UBAP2L: variants seen among roughly 807,000 people sequenced by gnomAD.
UBAP2L encodes ubiquitin-associated protein 2-like.
Under a neutral mutation model 130.6 loss-of-function variants are expected in UBAP2L, and 12 were observed. The ratio of observed to expected loss-of-function variants is 0.09; its 90% confidence interval spans 0.06 to 0.15. The LOEUF is 0.15. Ranked by LOEUF, UBAP2L falls within the 10% of genes least tolerant of loss-of-function variation. The probability of loss-of-function intolerance (pLI) is 1.00; values close to 1 mark genes in which losing one functional copy is unlikely to be tolerated. For synonymous variants in UBAP2L, 503 were observed against 524.7 expected, an observed-to-expected ratio of 0.96 and a Z score of 0.57; for missense variants, 965 against 1,332.5, an observed-to-expected ratio of 0.72 and a Z score of 4.29.
Position 154,228,615 on chromosome 1 carries a change from T to C in UBAP2L, c.169T>C (p.Leu57=), listed in dbSNP as rs773072756. Residue 57 remains leucine, a splice_region_variant and synonymous_variant, in exon 4 of 27, where the codon TTG becomes CTG. Coordinates refer to ENST00000428931, the MANE Select transcript of UBAP2L (RefSeq NM_014847.4). ...DADFEEKVKQ[L]IDITGKNQDE... is the part of the protein sequence containing the mutation. ...ATGGTTGCTGTTTTTTCTCTTTCAGTTGATTGATATTACAGGCAAGAACCA... is the reference window on the plus strand; with the variant it reads ...ATGGTTGCTGTTTTTTCTCTTTCAGCTGATTGATATTACAGGCAAGAACCA... 7 of 1,612,114 alleles carry C rather than the reference T, an allele frequency of 4.3e-6. No homozygotes were observed. The Admixed American group carries it at 1.2e-4, about 27-fold the overall frequency.
intron 20 of UBAP2L, chr1:154,258,487 C>G (rs1256207153): frequency 6.6e-6 from 1 of 152,512 alleles, no homozygotes; most frequent in Non-Finnish European, 1.5e-5. Flanking sequence ...TAGAAGATAC[C>G]TGTTCCTGCC....
rs1677458590 is a variant in UBAP2L at position 154,251,038 on chromosome 1, C to T, written c.1214-3C>T. 2 of 1,601,550 alleles carry T rather than the reference C, an allele frequency of 1.2e-6. No individual in the cohort carries two copies. Among genetic ancestry groups the T allele is most frequent in the East Asian group, 4.5e-5 (2 of 44,640 alleles). Reference sequence around the variant, plus strand: ...GCTTCATATACTGGGTTTCCTCTTGCAGATTTGAAGAACCCAAGTGATTCA... The same window carrying T: ...GCTTCATATACTGGGTTTCCTCTTGTAGATTTGAAGAACCCAAGTGATTCA... On this transcript the variant is annotated splice_polypyrimidine_tract_variant and splice_region_variant and intron_variant, in intron 12 of 26. Transcript: ENST00000428931.
rs200080783 is a variant in UBAP2L, at chr1:154,243,309, G to A, written c.842+7G>A. The A allele has an allele frequency of 3.0e-4, 481 of 1,610,578 alleles. 9 individuals carry two copies. The South Asian group carries it at 4.3e-3, about 14-fold the overall frequency. ...CAATCACTGCTGGTCAGAGGCAAGT[G>A]TGCAGTAAAATTTAGTACCATTTCT... On this transcript the variant is annotated splice_region_variant and intron_variant, in intron 10 of 26. Transcript: ENST00000428931.
chr1:154,265,272 T>C (rs1370117280), intron 24 of UBAP2L, among the ~76,000 whole-genome samples: 2 of 152,184 alleles, frequency 1.3e-5, no homozygotes, highest in East Asian at 1.9e-4. Context: ...AGAGTTTGAA[T>C]TGTGGGTGAA....
At chr1:154,260,844 T>C (rs1055854108) in intron 22 of UBAP2L, 48 bp from the exon 23 acceptor site, 1 of 1,557,606 alleles carries the variant, frequency 6.4e-7, no homozygotes, top group African/African-American at 1.4e-5. Flanking sequence ...AATTCTGTAT[T>C]GGTATTGGGG....
At chr1:154,224,601 G>A (rs948580574) in intron 1 of UBAP2L, among the ~76,000 whole-genome samples, 5 of 152,204 alleles carry the variant, frequency 3.3e-5, no homozygotes, top group African/African-American at 7.2e-5. Flanking sequence ...GTCACATGCA[G>A]CTTACATAAA....
At position 154,259,046 on chromosome 1, in the gene UBAP2L, A is replaced by G. The variant is rs1376247538; in HGVS notation, c.2496+16A>G. 3 of 1,611,220 alleles carry G rather than the reference A, an allele frequency of 1.9e-6. No individual in the cohort carries two copies. Among genetic ancestry groups the G allele is most frequent in the Admixed American group, 3.3e-5 (2 of 59,996 alleles). On this transcript the variant is annotated intron_variant, in intron 21 of 26. Coordinates refer to ENST00000428931, the MANE Select transcript of UBAP2L (RefSeq NM_014847.4). ...ATTTCCATTGGTGAGTATGTGGGAT[A>G]GAGCTTTGGAAAAGAAAGTAGTCTT...
intron 26 of UBAP2L, among the ~76,000 whole-genome samples, chr1:154,269,920 TGA>T (rs1684377297): frequency 6.6e-6 from 1 of 152,172 alleles, no homozygotes; most frequent in Non-Finnish European, 1.5e-5. Context: ...GGGGGTAGTG[TGA>T]GAATGTAGAA....
chr1:154,241,174 C>A (rs1673477108), intron 8 of UBAP2L, among the ~76,000 whole-genome samples: 2 of 152,046 alleles, frequency 1.3e-5, no homozygotes, highest in East Asian at 3.9e-4. Flanking sequence ...CTGCAACCTC[C>A]ACCTCCCAGG....
intron 11 of UBAP2L, 34 bp downstream of exon 11, chr1:154,246,409 C>A: frequency 6.3e-7 from 1 of 1,590,338 alleles, no homozygotes; most frequent in South Asian, 1.1e-5. Context: ...CTAATCAAAC[C>A]TTCCTGCTAA....
intron 20 of UBAP2L, chr1:154,258,701 C>T (rs1223162840): frequency 7.0e-6 from 2 of 287,594 alleles, no homozygotes; most frequent in Non-Finnish European, 1.3e-5. Context: ...ACTGGTTGTT[C>T]GTGTATGTTT....
At chr1:154,255,127 G>A (rs748991733) in intron 16 of UBAP2L, 25 bp from the exon 17 acceptor site, 1 of 1,611,702 alleles carries the variant, frequency 6.2e-7, no homozygotes, top group Non-Finnish European at 8.5e-7. Flanking sequence ...CTGATGAGAG[G>A]AATTCCTTTC....
intron 14 of UBAP2L, among the ~76,000 whole-genome samples, chr1:154,253,451 C>G (rs1214615786): frequency 1.4e-5 from 2 of 141,724 alleles, no homozygotes; most frequent in Non-Finnish European, 3.0e-5. Context: ...GTGGCTTGAT[C>G]TCGGCTCACT....
intron 1 of UBAP2L, among the ~76,000 whole-genome samples, chr1:154,222,385 A>G (rs1666537086): frequency 6.6e-6 from 1 of 152,222 alleles, no homozygotes; most frequent in Non-Finnish European, 1.5e-5. Flanking sequence ...TTGGCTGTGT[A>G]TCAGTTGATA....
chr1:154,236,933 A>T, intron 7 of UBAP2L, 91 bp from the exon 8 acceptor site: 2 of 963,296 alleles, frequency 2.1e-6, no homozygotes, highest in Non-Finnish European at 3.2e-6. Flanking sequence ...GATTTGTACT[A>T]GGAAGGATGC....
intron 15 of UBAP2L, chr1:154,254,617 G>A (rs1046968577): frequency 3.5e-6 from 2 of 571,014 alleles, no homozygotes; most frequent in South Asian, 2.3e-5. Flanking sequence ...TTTGCTTTTG[G>A]TCACACAGTG....
intron 9 of UBAP2L, 167 bp from the exon 10 acceptor site, chr1:154,243,050 A>G (rs1674098356): frequency 1.8e-6 from 1 of 557,372 alleles, no homozygotes; most frequent in Non-Finnish European, 3.2e-6. Flanking sequence ...ACTATTGAGC[A>G]TATATTGAAG....
At chr1:154,248,827 C>A (rs1445925258) in intron 11 of UBAP2L, among the ~76,000 whole-genome samples, 5 of 152,062 alleles carry the variant, frequency 3.3e-5, no homozygotes, top group Non-Finnish European at 1.5e-5. Context: ...AAAACAAAAA[C>A]AAAAACAAAA....
Position 154,257,139 on chromosome 1 carries a change from C to A in UBAP2L, c.2234C>A (p.Ala745Glu). The A allele has an allele frequency of 6.2e-7, 1 of 1,614,192 alleles. No homozygotes were observed. The highest frequency in any genetic ancestry group is 8.5e-7 in the Non-Finnish European group (1 of 1,180,032). Residue 745 changes from alanine to glutamate, a missense_variant, in exon 19 of 27, where the codon GCA (alanine) becomes GAA (glutamate). Coordinates refer to ENST00000428931, the MANE Select transcript of UBAP2L (RefSeq NM_014847.4). The stretch of plus-strand genomic sequence containing the variant: ...TCCACCACATCCAGCACAGTCTCTG[C>A]ACCTCCCCCAGTGGTCAGTGTCTCC... ...TFSTTSSTVS[A>E]PPPVVSVSSS...
Sources: allele counts gnomAD v4.1 joint callset (sites outside exome capture counted in the v4.1 genomes callset), GRCh38; gene constraint gnomAD v4.1.1; transcripts MANE v1.5; gene names NCBI Gene and HGNC (gene_info 2026-07-23, HGNC 2026-07-21).